The following CSMD1 variants were observed in gnomAD, a reference collection of about 807,000 sequenced individuals.
CSMD1 encodes the protein CUB and Sushi multiple domains 1, also known as CUB and sushi domain-containing protein 1.
In CSMD1, 213 loss-of-function variants were observed where a neutral mutation model predicts 417.5. That is an observed-to-expected ratio of 0.51 (90% CI 0.46 to 0.57). CSMD1 has a LOEUF of 0.57. CSMD1 is among the 20% of genes least tolerant of loss of function. The probability of loss-of-function intolerance (pLI) is 0.00; values close to 1 mark genes in which losing one functional copy is unlikely to be tolerated. For synonymous variants in CSMD1, 2,862 were observed against 1,736.8 expected (o/e 1.65, Z -16.11); for missense variants, 6,923 against 4,529.7 (o/e 1.53, Z -15.17).
chr8:3,380,182 C>T (rs376823391), intron 18 of CSMD1, among the ~76,000 whole-genome samples: 1 of 152,146 alleles, frequency 6.6e-6, no homozygotes, highest in African/African-American at 2.4e-5. Flanking sequence ...ATCGAAACCA[C>T]AGTGAGACAC....
chr8:3,378,696 C>T (rs576863161), intron 18 of CSMD1, among the ~76,000 whole-genome samples: 5 of 152,194 alleles, frequency 3.3e-5, no homozygotes, highest in Non-Finnish European at 7.3e-5. Context: ...TAAACTTCAA[C>T]ACCCCTTCAT....
intron 5 of CSMD1, among the ~76,000 whole-genome samples, chr8:3,979,673 G>A (rs1029353784): frequency 3.9e-5 from 6 of 152,066 alleles, no homozygotes; most frequent in African/African-American, 1.5e-4. Flanking sequence ...GAAAGCAGGT[G>A]CCATCTATGA....
intron 12 of CSMD1, among the ~76,000 whole-genome samples, chr8:3,439,058 G>C (rs1417403795): frequency 7.5e-6 from 1 of 133,182 alleles, no homozygotes; most frequent in Non-Finnish European, 1.6e-5. Flanking sequence ...GGGAGGTGGA[G>C]GTTGCAGTGA....
intron 5 of CSMD1, among the ~76,000 whole-genome samples, chr8:3,990,515 G>C (rs149535938): frequency 5.0e-4 from 76 of 152,116 alleles, no homozygotes; most frequent in Middle Eastern, 3.4e-3. Context: ...TGGAATCTTA[G>C]GGTAAAATAC....
At chr8:4,106,469 C>G (rs984405791) in intron 3 of CSMD1, among the ~76,000 whole-genome samples, 4 of 152,142 alleles carry the variant, frequency 2.6e-5, no homozygotes, top group African/African-American at 9.7e-5. Context: ...CTTTCATTCT[C>G]TCTGCATTGC....
At chr8:3,285,058 T>A (rs748744856) in intron 25 of CSMD1, among the ~76,000 whole-genome samples, 4 of 152,124 alleles carry the variant, frequency 2.6e-5, no homozygotes, top group Admixed American at 6.5e-5. Context: ...TTTAGGGCCA[T>A]TGAAGCAAGA....
intron 1 of CSMD1, among the ~76,000 whole-genome samples, chr8:4,886,839 C>A (rs1286875561): frequency 6.6e-6 from 1 of 151,924 alleles, no homozygotes; most frequent in East Asian, 1.9e-4. Flanking sequence ...TCTCTTCTGT[C>A]ATTTCAGATT....
chr8:4,290,296 C>T (rs1797288650), intron 3 of CSMD1, among the ~76,000 whole-genome samples: 3 of 152,062 alleles, frequency 2.0e-5, no homozygotes, highest in Admixed American at 2.0e-4. Flanking sequence ...CATATGTCTA[C>T]AGATGTGAAA....
chr8:4,006,741 A>G (rs1816145778), intron 4 of CSMD1, among the ~76,000 whole-genome samples: 1 of 152,118 alleles, frequency 6.6e-6, no homozygotes, highest in South Asian at 2.1e-4. Context: ...GACTGGAACC[A>G]GAAGGAACTC....
chr8:4,537,465 C>T (rs1234853772), intron 2 of CSMD1, among the ~76,000 whole-genome samples: 1 of 152,020 alleles, frequency 6.6e-6, no homozygotes, highest in Admixed American at 6.5e-5. Context: ...TTACTAATTG[C>T]TATAAGGCTA....
At chr8:3,378,984 A>G (rs1810476256) in intron 18 of CSMD1, among the ~76,000 whole-genome samples, 1 of 152,224 alleles carries the variant, frequency 6.6e-6, no homozygotes, top group Non-Finnish European at 1.5e-5. Flanking sequence ...ACATGATTGT[A>G]TATTTAGAAA....
In CSMD1 at chr8:4,569,734, A is replaced by T. The variant is rs529849311; in HGVS notation, c.302+67608T>A. On this transcript the variant is annotated intron_variant, in intron 2 of 69. Coordinates refer to ENST00000635120, the MANE Select transcript of CSMD1 (RefSeq NM_033225.6). ...GAATCTATATATTACTTTGGGCAGT[A>T]TGGCCATTTTCACAATATTGATTCT... 3.7e-3 allele frequency among the ~76,000 whole-genome samples: 559 copies of T among 152,242 alleles called. 3 individuals are homozygous for T. The highest frequency in any genetic ancestry group is 0.013 in the African/African-American group (529 of 41,560).
chr8:4,874,254 C>T (rs149097859), intron 1 of CSMD1, among the ~76,000 whole-genome samples: 11 of 152,122 alleles, frequency 7.2e-5, no homozygotes, highest in South Asian at 6.2e-4. Flanking sequence ...CATCAAATTA[C>T]GTGGGATACT....
intron 1 of CSMD1, among the ~76,000 whole-genome samples, chr8:4,973,404 G>T (rs1234599316): frequency 2.6e-5 from 4 of 152,044 alleles, no homozygotes; most frequent in African/African-American, 4.8e-5. Context: ...CTATTTGCTT[G>T]TCCTGAAGCA....
intron 3 of CSMD1, among the ~76,000 whole-genome samples, chr8:4,178,544 C>T (rs1255392725): frequency 6.6e-6 from 1 of 151,030 alleles, no homozygotes; most frequent in Non-Finnish European, 1.5e-5. Flanking sequence ...CCTCTCTCAC[C>T]ACTCCTATTC....
chr8:4,791,144 A>T (rs1797667702), intron 1 of CSMD1, among the ~76,000 whole-genome samples: 1 of 152,106 alleles, frequency 6.6e-6, no homozygotes, highest in Admixed American at 6.6e-5. Context: ...TTTAAGTGAG[A>T]CAAGAAACAA....
chr8:4,610,190 G>A (rs1386697504), intron 2 of CSMD1, among the ~76,000 whole-genome samples: 3 of 152,056 alleles, frequency 2.0e-5, no homozygotes, highest in Non-Finnish European at 2.9e-5. Context: ...TTTAAAACTA[G>A]GATGTAAACA....
In CSMD1 at chr8:4,891,681, G is replaced by T. The variant is rs182378342; in HGVS notation, c.85+102651C>A. On this transcript the variant is annotated intron_variant, in intron 1 of 69. Transcript: ENST00000635120. ...TGGAAACACTATGTATTTATCCTAA[G>T]GGCTTATATTAATGCATACAAAACC... 1.7e-3 allele frequency among the ~76,000 whole-genome samples: 254 copies of T among 152,050 alleles called. 3 individuals are homozygous for T. The highest frequency in any genetic ancestry group is 5.7e-3 in the African/African-American group (234 of 41,404).
intron 7 of CSMD1, among the ~76,000 whole-genome samples, chr8:3,644,761 A>G (rs1797489034): frequency 6.6e-6 from 1 of 152,030 alleles, no homozygotes; most frequent in African/African-American, 2.4e-5. Context: ...AGAATTGCAG[A>G]ATCACAATCG....
Sources: gnomAD v4.1 joint callset for allele counts (sites outside exome capture counted in the v4.1 genomes callset) on GRCh38, gnomAD v4.1.1 for gene constraint, MANE v1.5 for transcripts, NCBI Gene and HGNC (gene_info 2026-07-23, HGNC 2026-07-21) for gene names.